NAALAD2: variants seen among roughly 807,000 people sequenced by gnomAD.
NAALAD2 encodes N-acetylated alpha-linked acidic dipeptidase 2, also known as N-acetylated-alpha-linked acidic dipeptidase 2.
In NAALAD2, 89 loss-of-function variants were observed where a neutral mutation model predicts 95.6. The observed-to-expected ratio is 0.93, with a 90% CI of 0.78 to 1.11. The LOEUF is 1.11. NAALAD2 is among the 50% of genes least tolerant of loss of function. The pLI, the probability that NAALAD2 is intolerant of heterozygous loss-of-function variation, is 0.00. For synonymous variants in NAALAD2, 264 were observed against 294.4 expected (o/e 0.90, Z 1.06); for missense variants, 894 against 872.4 (o/e 1.02, Z -0.31).
chr11:90,146,096 G>A (rs1486176456), intron 2 of NAALAD2, among the ~76,000 whole-genome samples: 1 of 151,984 alleles, frequency 6.6e-6, no homozygotes, highest in African/African-American at 2.4e-5. Flanking sequence ...AAAATTATGA[G>A]TAGATTATTC....
At chr11:90,163,119 G>A in intron 9 of NAALAD2, 85 bp downstream of exon 9, 1 of 1,201,098 alleles carries the variant, frequency 8.3e-7, no homozygotes, top group Middle Eastern at 2.0e-4. Context: ...CAATTGAAGT[G>A]GGGTTTTTTG....
intron 4 of NAALAD2, among the ~76,000 whole-genome samples, chr11:90,150,267 A>T (rs1034823679): frequency 6.6e-6 from 1 of 152,034 alleles, no homozygotes; most frequent in Non-Finnish European, 1.5e-5. Flanking sequence ...ATAATAAATA[A>T]ATAAATAACT....
intron 6 of NAALAD2, among the ~76,000 whole-genome samples, chr11:90,155,579 A>G (rs1170011235): frequency 2.4e-5 from 2 of 83,488 alleles, no homozygotes; most frequent in Non-Finnish European, 3.9e-5. Flanking sequence ...TATATAATAT[A>G]TATGTAATAT....
At position 90,185,259 on chromosome 11, in the gene NAALAD2, C is replaced by CTATT. The variant is rs569292919; in HGVS notation, c.2033+2251_2033+2252insTATT. On this transcript the variant is annotated intron_variant, in intron 18 of 18. Coordinates refer to ENST00000534061, the MANE Select transcript of NAALAD2 (RefSeq NM_005467.4). ...TATTTACATAAACATCTATATTTAA[C>CTATT]ATATTATAAATTTACATATGTAATC... Among the ~76,000 whole-genome samples, 253 of 151,814 alleles carry CTATT rather than the reference C, an allele frequency of 1.7e-3. 1 individual carries two copies. Among genetic ancestry groups the CTATT allele is most frequent in the African/African-American group, 5.8e-3 (241 of 41,398 alleles).
chr11:90,147,196 C>T (rs763328651), intron 2 of NAALAD2, 134 bp from the exon 3 acceptor site: 16 of 661,348 alleles, frequency 2.4e-5, no homozygotes, highest in Non-Finnish European at 3.9e-5. Flanking sequence ...GTAGCATTAG[C>T]TGTGTTTCTT....
At chr11:90,169,038 T>G in intron 12 of NAALAD2, 46 bp downstream of exon 12, 1 of 1,383,700 alleles carries the variant, frequency 7.2e-7, no homozygotes, top group East Asian at 2.3e-5. Context: ...AAAGGAAATT[T>G]TACTTCAAGT....
chr11:90,140,204 G>A (rs1176066817), intron 2 of NAALAD2, among the ~76,000 whole-genome samples: 1 of 152,086 alleles, frequency 6.6e-6, no homozygotes, highest in African/African-American at 2.4e-5. Flanking sequence ...AGAGCAATAA[G>A]CTGTTGCTAC....
intron 6 of NAALAD2, among the ~76,000 whole-genome samples, chr11:90,156,050 A>G (rs187434544): frequency 1.7e-4 from 26 of 151,536 alleles, no homozygotes; most frequent in Non-Finnish European, 1.5e-4. Flanking sequence ...TTTTTGTACT[A>G]TTCTTCTGTC....
intron 18 of NAALAD2, among the ~76,000 whole-genome samples, chr11:90,183,224 A>T (rs1288876039): frequency 1.3e-5 from 2 of 152,136 alleles, no homozygotes; most frequent in African/African-American, 4.8e-5. Flanking sequence ...GGTAAAGGCT[A>T]GTTAAAAAAG....
intron 15 of NAALAD2, 113 bp from the exon 16 acceptor site, chr11:90,177,740 A>AC: frequency 1.8e-6 from 2 of 1,107,850 alleles, no homozygotes; most frequent in Non-Finnish European, 2.5e-6. Context: ...GATGTGAGCC[A>AC]CCATGACTGG....
intron 2 of NAALAD2, among the ~76,000 whole-genome samples, chr11:90,146,369 TTTTTTTTG>T (rs1951751488): frequency 8.0e-6 from 1 of 124,454 alleles, no homozygotes; most frequent in South Asian, 2.9e-4. Context: ...TTTTTTTTTT[TTTTTTTTG>T]TGATGTAGTC....
chr11:90,159,638 A>G (rs1170067045), intron 8 of NAALAD2, among the ~76,000 whole-genome samples: 1 of 152,118 alleles, frequency 6.6e-6, no homozygotes, highest in Non-Finnish European at 1.5e-5. Flanking sequence ...ATAACTTACA[A>G]AATGATATAC....
At chr11:90,139,681 A>G (rs996518781) in intron 2 of NAALAD2, among the ~76,000 whole-genome samples, 1 of 152,076 alleles carries the variant, frequency 6.6e-6, no homozygotes, top group Non-Finnish European at 1.5e-5. Context: ...TCATAGAATG[A>G]CTTTGCTTTT....
At position 90,191,868 on chromosome 11, in the gene NAALAD2, G is replaced by C. The variant is rs1420825114; in HGVS notation, c.*121G>C. 2 of 729,958 alleles carry C rather than the reference G, an allele frequency of 2.7e-6. No homozygotes were observed. The highest frequency in any genetic ancestry group is 2.0e-6 in the Non-Finnish European group (1 of 509,660). 45.2% of individuals were successfully genotyped at this position (729,958 alleles called of 1,614,324 possible). ...CTTTTCATGTCATGTTTTGATTATA[G>C]GCTTTGGTCTTTTCATCTGCAAAGC... On this transcript the variant is annotated 3_prime_UTR_variant, in exon 19 of 19. Coordinates refer to ENST00000534061, the MANE Select transcript of NAALAD2 (RefSeq NM_005467.4).
intron 2 of NAALAD2, among the ~76,000 whole-genome samples, chr11:90,146,444 C>T (rs1330864765): frequency 8.2e-5 from 12 of 145,982 alleles, no homozygotes; most frequent in African/African-American, 2.0e-4. Context: ...CTGCAACCTC[C>T]GCCTCCCAGA....
chr11:90,134,659 A>G, upstream of NAALAD2: 2 of 1,201,642 alleles, frequency 1.7e-6, no homozygotes, highest in Admixed American at 1.8e-5. Flanking sequence ...AGCGGAGGCC[A>G]CCCAGAGCTC....
intron 8 of NAALAD2, 77 bp downstream of exon 8, chr11:90,159,414 AG>A (rs1375326858): frequency 3.7e-6 from 4 of 1,070,988 alleles, no homozygotes; most frequent in Non-Finnish European, 4.2e-6. Flanking sequence ...CTGTTCTGCC[AG>A]GGGTATTTTG....
intron 6 of NAALAD2, among the ~76,000 whole-genome samples, chr11:90,157,743 A>T (rs911210956): frequency 6.6e-6 from 1 of 150,784 alleles, no homozygotes; most frequent in African/African-American, 2.4e-5. Context: ...TTTTTTTCAG[A>T]CAGAGTCTTG....
intron 8 of NAALAD2, among the ~76,000 whole-genome samples, chr11:90,160,499 A>C (rs1952263380): frequency 6.6e-6 from 1 of 152,200 alleles, no homozygotes; most frequent in East Asian, 1.9e-4. Flanking sequence ...GTATTCCAGA[A>C]ATTTTAAAGT....
Sources: allele counts gnomAD v4.1 joint callset (sites outside exome capture counted in the v4.1 genomes callset), GRCh38; gene constraint gnomAD v4.1.1; transcripts MANE v1.5; gene names NCBI Gene and HGNC (gene_info 2026-07-23, HGNC 2026-07-21).